The following E2F6 variants were observed in gnomAD, a reference collection of about 807,000 sequenced individuals.
E2F6 encodes E2F transcription factor 6, also known as transcription factor E2F6.
In E2F6, 19 loss-of-function variants were observed where a neutral mutation model predicts 31.5. That is an observed-to-expected ratio of 0.60 (90% CI 0.42 to 0.89). E2F6 has a LOEUF of 0.89. Ranked by LOEUF, E2F6 falls within the 40% of genes least tolerant of loss-of-function variation. The probability of loss-of-function intolerance (pLI) is 0.00; values close to 1 mark genes in which losing one functional copy is unlikely to be tolerated. For missense variants in E2F6, 269 were observed against 341.6 expected, an observed-to-expected ratio of 0.79 and a Z score of 1.67; for synonymous variants, 121 against 127.7, an observed-to-expected ratio of 0.95 and a Z score of 0.36.
At chr2:11,456,610 A>G (rs1437732606) in intron 2 of E2F6, among the ~76,000 whole-genome samples, 2 of 152,234 alleles carry the variant, frequency 1.3e-5, no homozygotes, top group Non-Finnish European at 2.9e-5. Context: ...TATGAGCTCA[A>G]TAAATGTTAG....
intron 1 of E2F6, among the ~76,000 whole-genome samples, chr2:11,461,431 A>T (rs1341290335): frequency 6.6e-6 from 1 of 152,190 alleles, no homozygotes; most frequent in Non-Finnish European, 1.5e-5. Context: ...GGCTCACTGC[A>T]ACCTCCACCT....
intron 3 of E2F6, among the ~76,000 whole-genome samples, chr2:11,452,171 C>T (rs921368399): frequency 6.6e-6 from 1 of 152,228 alleles, no homozygotes; most frequent in African/African-American, 2.4e-5. Context: ...TATAATCGTA[C>T]AGTACTTGAG....
intron 5 of E2F6, among the ~76,000 whole-genome samples, chr2:11,448,783 G>A (rs892335360): frequency 6.6e-6 from 1 of 152,214 alleles, no homozygotes. Flanking sequence ...CACTATCCCT[G>A]TCACAACCTT....
chr2:11,465,485 G>A (rs978598213), intron 1 of E2F6, among the ~76,000 whole-genome samples: 2 of 152,214 alleles, frequency 1.3e-5, no homozygotes, highest in Non-Finnish European at 2.9e-5. Flanking sequence ...TACAGCTAGA[G>A]TCCATAGAAG....
chr2:11,455,933 A>G (rs1671376858), intron 2 of E2F6, among the ~76,000 whole-genome samples: 1 of 152,186 alleles, frequency 6.6e-6, no homozygotes, highest in Admixed American at 6.5e-5. Context: ...GTGTTTGCCC[A>G]CTGTGACAGA....
chr2:11,460,619 G>A (rs1348194900), intron 1 of E2F6, among the ~76,000 whole-genome samples: 1 of 152,088 alleles, frequency 6.6e-6, no homozygotes, highest in Non-Finnish European at 1.5e-5. Flanking sequence ...ATATCTACAT[G>A]CAATCATGCA....
intron 2 of E2F6, chr2:11,455,453 C>T: frequency 7.7e-7 from 1 of 1,295,604 alleles, no homozygotes; most frequent in South Asian, 1.3e-5. Flanking sequence ...TAAATGTCTT[C>T]TCTCTGGAGC....
At chr2:11,454,478 G>C (rs1390459688) in intron 2 of E2F6, among the ~76,000 whole-genome samples, 3 of 151,804 alleles carry the variant, frequency 2.0e-5, no homozygotes, top group Non-Finnish European at 2.9e-5. Flanking sequence ...CGGAGTAGCT[G>C]GGATTACAGG....
At chr2:11,457,820 G>A (rs1462921067) in intron 1 of E2F6, among the ~76,000 whole-genome samples, 1 of 152,158 alleles carries the variant, frequency 6.6e-6, no homozygotes, top group African/African-American at 2.4e-5. Context: ...GCTTTCATAG[G>A]CAGCTATGCA....
chr2:11,461,298 T>G (rs1218785000), intron 1 of E2F6, among the ~76,000 whole-genome samples: 1 of 152,162 alleles, frequency 6.6e-6, no homozygotes, highest in East Asian at 1.9e-4. Context: ...ACCAATACCC[T>G]CACTTTAACA....
At chr2:11,450,241 T>A in intron 4 of E2F6, 115 bp from the exon 5 acceptor site, 1 of 534,534 alleles carries the variant, frequency 1.9e-6, no homozygotes. Flanking sequence ...TTTTATGAGA[T>A]ACAAGTTCAC....
At chr2:11,456,376 T>C (rs546993085) in intron 2 of E2F6, among the ~76,000 whole-genome samples, 1 of 152,054 alleles carries the variant, frequency 6.6e-6, no homozygotes, top group Non-Finnish European at 1.5e-5. Flanking sequence ...CCCAGCAACT[T>C]CAGCTACAGA....
intron 5 of E2F6, 123 bp from the exon 6 acceptor site, chr2:11,447,897 C>A (rs1572487037): frequency 8.8e-7 from 1 of 1,132,540 alleles, no homozygotes; most frequent in East Asian, 2.6e-5. Context: ...CACATTACAG[C>A]ACTGGCCAAT....
At chr2:11,461,573 G>A (rs1292218389) in intron 1 of E2F6, among the ~76,000 whole-genome samples, 5 of 151,912 alleles carry the variant, frequency 3.3e-5, no homozygotes, top group African/African-American at 1.2e-4. Context: ...GGCTGGTCTC[G>A]AAATCCGGAC....
chr2:11,457,610 A>T (rs562900091), intron 1 of E2F6, among the ~76,000 whole-genome samples: 1 of 152,186 alleles, frequency 6.6e-6, no homozygotes, highest in African/African-American at 2.4e-5. Context: ...GCAACACAGC[A>T]AGACTCCGTC....
At chr2:11,457,102 A>G (rs538267764) in intron 2 of E2F6, 77 bp downstream of exon 2, 2 of 1,130,560 alleles carry the variant, frequency 1.8e-6, no homozygotes, top group African/African-American at 3.1e-5. Context: ...TCATCAACTC[A>G]TACACTTAAA....
intron 1 of E2F6, among the ~76,000 whole-genome samples, chr2:11,460,042 G>A (rs1000442786): frequency 6.6e-6 from 1 of 152,102 alleles, no homozygotes; most frequent in Non-Finnish European, 1.5e-5. Context: ...GGGCAAGTCA[G>A]CATATTTTTT....
At chr2:11,465,395 C>A (rs771983657) in intron 1 of E2F6, among the ~76,000 whole-genome samples, 2 of 151,816 alleles carry the variant, frequency 1.3e-5, no homozygotes, top group Non-Finnish European at 2.9e-5. Context: ...AAATATAAAG[C>A]GTGGACAAGG....
At position 11,450,034 on chromosome 2, in the gene E2F6, A is replaced by C. The variant is rs745828452; in HGVS notation, c.629T>G (p.Leu210Trp). 6.2e-7 allele frequency: 1 copy of C among 1,612,978 alleles called. No homozygotes were observed. Residue 210 changes from leucine to tryptophan, a missense_variant, in exon 5 of 7, where the codon TTG (leucine) becomes TGG (tryptophan). Leu to Trp is a moderately conservative substitution (Grantham distance 61). Coordinates refer to ENST00000381525, the MANE Select transcript of E2F6 (RefSeq NM_198256.4). Reference sequence around the variant, plus strand: ...TACTTCTCTGGGAGCTGGAACATCCAATCTGGTTTCTGCTGGAGCTTTAAC... The same window carrying C: ...TACTTCTCTGGGAGCTGGAACATCCCATCTGGTTTCTGCTGGAGCTTTAAC... ...IAVKAPAETR[L>W]DVPAPREDSI...
Sources: allele counts gnomAD v4.1 joint callset (sites outside exome capture counted in the v4.1 genomes callset), GRCh38; gene constraint gnomAD v4.1.1; transcripts MANE v1.5; gene names NCBI Gene and HGNC (gene_info 2026-07-23, HGNC 2026-07-21).